KMT2A: variants seen among roughly 807,000 people sequenced by gnomAD.
KMT2A encodes lysine methyltransferase 2A.
In KMT2A, 16 loss-of-function variants were observed where a neutral mutation model predicts 345.3. The ratio of observed to expected loss-of-function variants is 0.05; its 90% CI spans 0.03 to 0.07. KMT2A has a LOEUF of 0.07. KMT2A is among the 10% of genes least tolerant of loss of function. The pLI, the probability that KMT2A is intolerant of heterozygous loss-of-function variation, is 1.00. For synonymous variants in KMT2A, 1,599 were observed against 1,778.6 expected (o/e 0.90, Z 2.54); for missense variants, 3,272 against 4,841.6 (o/e 0.68, Z 9.62).
At chr11:118,481,118 T>C (rs1555039056) in intron 6 of KMT2A, among the ~76,000 whole-genome samples, 1 of 152,180 alleles carries the variant, frequency 6.6e-6, no homozygotes, top group African/African-American at 2.4e-5. Context: ...TTGTAATTAT[T>C]TTTAAGGGTA....
At chr11:118,499,554 C>G in intron 23 of KMT2A, 134 bp downstream of exon 23, 1 of 713,386 alleles carries the variant, frequency 1.4e-6, no homozygotes, top group Admixed American at 2.1e-5. Flanking sequence ...GAGGCTGAGG[C>G]GGGCAGATCA....
rs188946751 is a variant in KMT2A, at chr11:118,492,833, G to C, written c.5005-224G>C. On this transcript the variant is annotated intron_variant, in intron 15 of 35. Transcript: ENST00000534358. The stretch of plus-strand genomic sequence containing the variant: ...CACAATTTCAGCTTCTTCATACTAG[G>C]TTTGGAATTATCAAGAAAAGCTCCT... 2.0e-5 allele frequency among the ~76,000 whole-genome samples: 3 copies of C among 152,256 alleles called. No homozygotes were observed. In the East Asian group the frequency reaches 5.8e-4, roughly 29 times the overall value.
rs2134327893 is a variant in KMT2A at position 118,488,675 on chromosome 11, G to A, written c.4394G>A (p.Arg1465His). ...FHKFCLEENE[R>H]PLEDQLENWC... ...AAGTTTTGTTTAGAGGAGAACGAGCGCCCTCTGGAGGACCAGCTGGAAAAT... is the reference window on the plus strand; with the variant it reads ...AAGTTTTGTTTAGAGGAGAACGAGCACCCTCTGGAGGACCAGCTGGAAAAT... The change falls in exon 11 of 36, where the codon CGC (arginine) becomes CAC (histidine). Residue 1465 changes from arginine to histidine, a missense_variant. This residue lies in a region of KMT2A where 120 missense variants were observed against 280.4 expected (regional missense o/e 0.43). Transcript: ENST00000534358. The A allele has an allele frequency of 6.2e-7, 1 of 1,614,084 alleles. No individual in the cohort carries two copies. Among genetic ancestry groups the A allele is most frequent in the Non-Finnish European group, 8.5e-7 (1 of 1,179,974 alleles).
Position 118,502,476 on chromosome 11 carries a change from C to A in KMT2A, c.6584C>A (p.Ser2195Tyr). The A allele has an allele frequency of 2.5e-6, 4 of 1,614,020 alleles. No homozygotes were observed. Among genetic ancestry groups the A allele is most frequent in the Non-Finnish European group, 3.4e-6 (4 of 1,179,972 alleles). ...TCCTCTGGACTTCGAAGCATTGGCT[C>A]CAGGCGTCACAGTACCTCTTCCTTA... Reference protein sequence around the residue: ...LLSSGLRSIGSRRHSTSSLSP... With the variant: ...LLSSGLRSIGYRRHSTSSLSP... Residue 2195 changes from serine (S) to tyrosine (Y), a missense_variant, in exon 27 of 36, where the codon TCC becomes TAC. Physicochemically the swap from Ser to Tyr is moderately radical, Grantham distance 144. Around this residue, in one of 27 missense-constraint regions of KMT2A, gnomAD observed 445 missense variants for 500.9 expected, o/e 0.89. Coordinates refer to ENST00000534358, the MANE Select transcript of KMT2A (RefSeq NM_001197104.2). This position sits in a 1 kb window ranked among gnomAD's most constrained non-coding sequence, Gnocchi z 4.9.
chr11:118,509,241 T>G, intron 29 of KMT2A, 41 bp downstream of exon 29: 1 of 1,474,634 alleles, frequency 6.8e-7, no homozygotes, highest in Non-Finnish European at 9.4e-7. Context: ...AGAATATCAA[T>G]GCTAAAAGGA....
At chr11:118,513,953 A>AG (rs1294422519) in intron 31 of KMT2A, among the ~76,000 whole-genome samples, 56 of 151,224 alleles carry the variant, frequency 3.7e-4, no homozygotes, top group African/African-American at 1.3e-3. Flanking sequence ...AAAAAAAAAA[A>AG]AAAAAGAAAA....
Position 118,484,127 on chromosome 11 carries a change from A to G in KMT2A, c.4087-56A>G. On this transcript the variant is annotated intron_variant, in intron 8 of 35. Transcript: ENST00000534358. The surrounding 1 kb of genome is among the most constrained non-coding windows in gnomAD (Gnocchi z 4.1). ...GTCATTTGCATTATTATCTGTTGCA[A>G]ATGTGAAGGCAAATAGGGTGTGATT... 6.5e-7 allele frequency: 1 copy of G among 1,546,846 alleles called. No individual in the cohort carries two copies. Among genetic ancestry groups the G allele is most frequent in the Non-Finnish European group, 8.8e-7 (1 of 1,136,334 alleles).
chr11:118,437,085 T>A (rs1270022623), intron 1 of KMT2A, 141 bp downstream of exon 1: 6 of 1,041,950 alleles, frequency 5.8e-6, no homozygotes, highest in Non-Finnish European at 6.5e-6. Flanking sequence ...TCTCCCATCT[T>A]GGGACCCCCA....
At chr11:118,499,556 G>A in intron 23 of KMT2A, 136 bp downstream of exon 23, 1 of 711,974 alleles carries the variant, frequency 1.4e-6, no homozygotes, top group Non-Finnish European at 2.5e-6. Context: ...GGCTGAGGCG[G>A]GCAGATCACT....
At chr11:118,481,398 A>T (rs1555039142) in intron 6 of KMT2A, among the ~76,000 whole-genome samples, 1 of 152,162 alleles carries the variant, frequency 6.6e-6, no homozygotes, top group African/African-American at 2.4e-5. Context: ...AATGTCCTCT[A>T]GTTCCATCCA....
Position 118,490,236 on chromosome 11 carries a change from G to C in KMT2A, c.4683G>C (p.Lys1561Asn). 1 of 1,563,942 alleles carries C rather than the reference G, an allele frequency of 6.4e-7. No individual in the cohort carries two copies. Among genetic ancestry groups the C allele is most frequent in the East Asian group, 2.3e-5 (1 of 43,836 alleles). Residue 1561 changes from lysine to asparagine, a missense_variant, in exon 13 of 36, where the codon AAG (lysine) becomes AAC (asparagine). Transcript: ENST00000534358. The surrounding 1 kb of genome is among the most constrained non-coding windows in gnomAD (Gnocchi z 4.2). ...TCTCACTGTGTCATGATTGCGCCAA[G>C]CTCTTTGCTAAAGGTACCCAAAAAA... Reference protein sequence around the residue: ...HDFSLCHDCAKLFAKGNFCPL... With the variant: ...HDFSLCHDCANLFAKGNFCPL...
At chr11:118,457,825 C>T (rs2134218894) in intron 1 of KMT2A, among the ~76,000 whole-genome samples, 1 of 151,770 alleles carries the variant, frequency 6.6e-6, no homozygotes, top group Middle Eastern at 3.4e-3. Flanking sequence ...AATTGTCTTT[C>T]TGCTGTGCTC....
In KMT2A at chr11:118,506,382, G is replaced by A. The variant is rs1302416736; in HGVS notation, c.10490G>A (p.Gly3497Glu). ...ACGGTAGACGCTCCTAATAGCATGG[G>A]ACTGGAGCAGAACAAGGCTTTATCC... Reference protein sequence around the residue: ...TQTVDAPNSMGLEQNKALSSA... With the variant: ...TQTVDAPNSMELEQNKALSSA... Residue 3497 changes from glycine (G) to glutamate (E), a missense_variant, in exon 27 of 36, where the codon GGA becomes GAA. Gly to Glu is a moderately conservative substitution (Grantham distance 98, BLOSUM62 -2). Transcript: ENST00000534358. The A allele has an allele frequency of 1.3e-5, 21 of 1,614,036 alleles. No individual in the cohort carries two copies. The highest frequency in any genetic ancestry group is 1.8e-5 in the Non-Finnish European group (21 of 1,180,040).
rs1402049424 is a variant in KMT2A, at chr11:118,498,625, C to T, written c.5961+97C>T. The T allele has an allele frequency of 6.6e-6, 8 of 1,215,196 alleles. No homozygotes were observed. The highest frequency in any genetic ancestry group is 1.5e-5 in the South Asian group (1 of 65,424). The allele number at this position is 1,215,196 out of a possible 1,614,324, so 75.3% of individuals were successfully genotyped here. A position where few individuals can be genotyped will look rare whatever the true frequency, so the allele number is the denominator to read the frequency against. On this transcript the variant is annotated intron_variant, in intron 22 of 35. Transcript: ENST00000534358. The surrounding 1 kb of genome is among the most constrained non-coding windows in gnomAD (Gnocchi z 4.4). Reference sequence around the variant, plus strand: ...ATTGACTGGAAGGTACAGAGATTTCCCATATGCCCCCTGCACCCACATATG... The same window carrying T: ...ATTGACTGGAAGGTACAGAGATTTCTCATATGCCCCCTGCACCCACATATG...
chr11:118,506,923 G>A (rs1950595325), intron 27 of KMT2A, among the ~76,000 whole-genome samples: 1 of 152,060 alleles, frequency 6.6e-6, no homozygotes, highest in South Asian at 2.1e-4. Flanking sequence ...CTTTTTTACT[G>A]AGGCTTATAC....
At chr11:118,471,428 T>A (rs573432491) in intron 2 of KMT2A, among the ~76,000 whole-genome samples, 1 of 152,366 alleles carries the variant, frequency 6.6e-6, no homozygotes, top group African/African-American at 2.4e-5. Flanking sequence ...TTTTATTATC[T>A]TTTTGTATCA....
chr11:118,491,576 A>G lies in KMT2A; in HGVS notation c.4820-168A>G, dbSNP rs897453302. Among the ~76,000 whole-genome samples the G allele has an allele frequency of 2.6e-5, 4 of 152,202 alleles. No homozygotes were observed. The highest frequency in any genetic ancestry group is 1.3e-4 in the Admixed American group (2 of 15,282). On this transcript the variant is annotated intron_variant, in intron 14 of 35. Transcript: ENST00000534358. The surrounding 1 kb of genome is among the most constrained non-coding windows in gnomAD (Gnocchi z 4.2). ...ACCAAATTCAGGATTAGTGTTAATT[A>G]ATAATGCCACTTTTTGAGATCAATA... is the stretch of plus-strand genomic sequence containing the variant.
chr11:118,505,057 T>C lies in KMT2A; in HGVS notation c.9165T>C (p.Asp3055=), dbSNP rs143721596. 53 of 1,614,160 alleles carry C rather than the reference T, an allele frequency of 3.3e-5. No individual in the cohort carries two copies. In the African/African-American group the frequency reaches 5.7e-4, roughly 17 times the overall value. The change falls in exon 27 of 36, where the codon GAT becomes GAC. Residue 3055 remains aspartate, a synonymous_variant. Transcript: ENST00000534358. The surrounding 1 kb of genome is among the most constrained non-coding windows in gnomAD (Gnocchi z 4.6). The part of the protein sequence containing the change: ...QNQKYVPNST[D]SPGPSQISNA... ...AGAAGTATGTGCCCAATTCTACTGATAGTCCTGGCCCGTCTCAGATTTCCA... is the reference window on the plus strand; with the variant it reads ...AGAAGTATGTGCCCAATTCTACTGACAGTCCTGGCCCGTCTCAGATTTCCA...
Position 118,480,209 on chromosome 11 carries a change from C to G in KMT2A, c.3605C>G (p.Ser1202Cys), listed in dbSNP as rs782651115. Reference protein sequence around the residue: ...RKCQNLQWMPSKAYLQKQAKA... With the variant: ...RKCQNLQWMPCKAYLQKQAKA... ...TGTCAGAATCTACAATGGATGCCTT[C>G]CAAAGCCTACCTGCAGAAGCAAGCT... The change falls in exon 6 of 36, where the codon TCC becomes TGC. Residue 1202 changes from serine (S) to cysteine (C), a missense_variant. Ser to Cys is a moderately radical substitution (Grantham distance 112). Transcript: ENST00000534358. The G allele has an allele frequency of 6.2e-7, 1 of 1,613,600 alleles. No individual in the cohort carries two copies. Among genetic ancestry groups the G allele is most frequent in the Non-Finnish European group, 8.5e-7 (1 of 1,179,762 alleles).
Sources: allele counts gnomAD v4.1 joint callset (sites outside exome capture counted in the v4.1 genomes callset), GRCh38; gene constraint gnomAD v4.1.1; regional missense constraint gnomAD v4.1.1; non-coding constraint Gnocchi (gnomAD v3.1); transcripts MANE v1.5; gene names NCBI Gene and HGNC (gene_info 2026-07-23, HGNC 2026-07-21).